Variants in UGGT2 observed in about 807,000 individuals in gnomAD.
The protein encoded by UGGT2 is UDP-glucose glycoprotein glucosyltransferase 2, also known as UDP-glucose:glycoprotein glucosyltransferase 2.
A neutral mutation model predicts 192.1 loss-of-function variants in UGGT2; 180 were observed. That is an observed-to-expected ratio of 0.94 (90% CI 0.83 to 1.06). UGGT2 has a LOEUF of 1.06. UGGT2 is among the 50% of genes least tolerant of loss of function. The probability of loss-of-function intolerance (pLI) is 0.00; values close to 1 mark genes in which losing one functional copy is unlikely to be tolerated. For synonymous variants in UGGT2, 580 were observed against 591.0 expected (o/e 0.98, Z 0.27); for missense variants, 1,849 against 1,795.7 (o/e 1.03, Z -0.54).
At chr13:95,873,222 C>T (rs1891367672) in intron 29 of UGGT2, among the ~76,000 whole-genome samples, 1 of 152,212 alleles carries the variant, frequency 6.6e-6, no homozygotes, top group Admixed American at 6.5e-5. Flanking sequence ...ATCTTGAAAC[C>T]ATGGCTTTTA....
chr13:95,930,972 TCCCACAGCATGGAAAGGGA>T (rs543874212), intron 17 of UGGT2, among the ~76,000 whole-genome samples: 3,474 of 152,170 alleles, frequency 0.023, 55 homozygotes, highest in Non-Finnish European at 0.034. Context: ...AGAACAAACC[TCCCACAGCATGGAAAGGGA>T]CCCAAGCGGG....
At chr13:95,956,749 C>T (rs1028620078) in intron 12 of UGGT2, among the ~76,000 whole-genome samples, 9 of 152,212 alleles carry the variant, frequency 5.9e-5, no homozygotes, top group African/African-American at 1.7e-4. Flanking sequence ...GATGTAACAG[C>T]TGTGAAAAAC....
At chr13:95,857,376 A>T (rs182332516) in intron 33 of UGGT2, among the ~76,000 whole-genome samples, 2 of 152,278 alleles carry the variant, frequency 1.3e-5, no homozygotes, top group East Asian at 3.9e-4. Context: ...TATGACCTTC[A>T]TGAGGCTTGT....
intron 12 of UGGT2, among the ~76,000 whole-genome samples, chr13:95,950,680 C>T (rs1183028243): frequency 1.3e-5 from 2 of 148,732 alleles, no homozygotes; most frequent in Non-Finnish European, 3.0e-5. Flanking sequence ...TTAAAAAGTA[C>T]AAAAATTTCT....
chr13:95,815,873 C>T (rs1249322934), intron 38 of UGGT2, among the ~76,000 whole-genome samples: 1 of 152,158 alleles, frequency 6.6e-6, no homozygotes, highest in African/African-American at 2.4e-5. Flanking sequence ...AACTGGACCA[C>T]GGGGGCAGAG....
intron 24 of UGGT2, among the ~76,000 whole-genome samples, chr13:95,893,194 A>C (rs551347522): frequency 6.6e-6 from 1 of 152,268 alleles, no homozygotes; most frequent in African/African-American, 2.4e-5. Flanking sequence ...TTATAAGCCA[A>C]TTTAAATTTT....
chr13:95,910,733 C>G (rs2048466205), intron 20 of UGGT2, among the ~76,000 whole-genome samples: 1 of 152,122 alleles, frequency 6.6e-6, no homozygotes, highest in Non-Finnish European at 1.5e-5. Context: ...CTGCACCAAG[C>G]AGACCTAACA....
At chr13:95,930,619 T>C (rs933342745) in intron 17 of UGGT2, among the ~76,000 whole-genome samples, 1 of 152,170 alleles carries the variant, frequency 6.6e-6, no homozygotes, top group Admixed American at 6.5e-5. Context: ...AGTCTATGTG[T>C]CTATTTTTGT....
At chr13:95,975,767 T>C (rs927819132) in intron 10 of UGGT2, among the ~76,000 whole-genome samples, 1 of 152,176 alleles carries the variant, frequency 6.6e-6, no homozygotes, top group Non-Finnish European at 1.5e-5. Context: ...GTTTGGGTGT[T>C]CCTAAGGTGA....
intron 12 of UGGT2, among the ~76,000 whole-genome samples, chr13:95,952,423 T>C (rs117655234): frequency 0.044 from 6,752 of 152,256 alleles, 213 homozygotes; most frequent in Middle Eastern, 0.092. Context: ...TAAAATGGCA[T>C]AGTATTTGCA....
chr13:96,033,649 T>A (rs1270422749), intron 1 of UGGT2, among the ~76,000 whole-genome samples: 1 of 152,114 alleles, frequency 6.6e-6, no homozygotes, highest in Non-Finnish European at 1.5e-5. Flanking sequence ...TCTTCTCTGC[T>A]CCCAATCCCT....
chr13:95,840,981 A>G (rs1215460715), intron 36 of UGGT2, among the ~76,000 whole-genome samples: 1 of 152,186 alleles, frequency 6.6e-6, no homozygotes, highest in East Asian at 1.9e-4. Flanking sequence ...GTTCTCACTC[A>G]TAAGTGGGAG....
intron 8 of UGGT2, among the ~76,000 whole-genome samples, chr13:95,988,295 G>A (rs1276959141): frequency 6.6e-6 from 1 of 152,078 alleles, no homozygotes; most frequent in African/African-American, 2.4e-5. Context: ...TATTTGATCA[G>A]GGATGTACAA....
intron 17 of UGGT2, among the ~76,000 whole-genome samples, chr13:95,936,289 G>A (rs1452044259): frequency 6.6e-6 from 1 of 152,170 alleles, no homozygotes; most frequent in African/African-American, 2.4e-5. Flanking sequence ...ATTTCTATCA[G>A]CTGATTTTAC....
At chr13:95,830,152 T>C (rs887706965) in intron 38 of UGGT2, among the ~76,000 whole-genome samples, 5 of 152,170 alleles carry the variant, frequency 3.3e-5, no homozygotes, top group Admixed American at 2.0e-4. Flanking sequence ...AAGACTTAAA[T>C]GTTAGACCTA....
At chr13:95,903,875 A>AGG (rs2048187983) in intron 20 of UGGT2, among the ~76,000 whole-genome samples, 1 of 152,168 alleles carries the variant, frequency 6.6e-6, no homozygotes, top group Non-Finnish European at 1.5e-5. Context: ...AACACTTTGT[A>AGG]TTGTCAGATT....
chr13:96,030,912 G>T (rs1049850582), intron 2 of UGGT2, among the ~76,000 whole-genome samples: 2 of 152,126 alleles, frequency 1.3e-5, no homozygotes, highest in Non-Finnish European at 2.9e-5. Flanking sequence ...ACTTTTTGAG[G>T]TATTAAAAGT....
At position 95,958,111 on chromosome 13, in the gene UGGT2, G is replaced by A. The variant is rs572261443; in HGVS notation, c.1336-8657C>T. On this transcript the variant is annotated intron_variant, in intron 12 of 38. Transcript: ENST00000376747. ...GTTTCTGATGTTCAGGGAATATGGCGTTTCTTTCGGGCTGCTATAGTCCTT... is the reference window on the plus strand; with the variant it reads ...GTTTCTGATGTTCAGGGAATATGGCATTTCTTTCGGGCTGCTATAGTCCTT... 5.3e-5 allele frequency among the ~76,000 whole-genome samples: 8 copies of A among 151,912 alleles called. No homozygotes were observed. The East Asian group carries it at 1.5e-3, about 29-fold the overall frequency.
chr13:95,832,869 A>G, intron 38 of UGGT2, 58 bp downstream of exon 38: 1 of 1,592,830 alleles, frequency 6.3e-7, no homozygotes. Context: ...TCTGTAGTCT[A>G]TTCTAATCTC....
Sources: gnomAD v4.1 joint callset for allele counts (sites outside exome capture counted in the v4.1 genomes callset) on GRCh38, gnomAD v4.1.1 for gene constraint, MANE v1.5 for transcripts, NCBI Gene and HGNC (gene_info 2026-07-23, HGNC 2026-07-21) for gene names.